The following RANBP2 variants were observed in gnomAD, a reference collection of about 807,000 sequenced individuals.
RANBP2 encodes the protein E3 SUMO-protein ligase RanBP2.
In RANBP2, 57 loss-of-function variants were observed where a neutral mutation model predicts 303.6. The observed-to-expected ratio is 0.19, with a 90% CI of 0.15 to 0.23. The LOEUF is 0.23. RANBP2 is among the 10% of genes least tolerant of loss of function. The pLI is 1.00. For missense variants in RANBP2, 3,138 were observed against 3,780.8 expected (o/e 0.83, Z 4.46); for synonymous variants, 1,167 against 1,301.5 (o/e 0.90, Z 2.23).
At chr2:109,025,510 A>G in the RANBP2 span, among the ~76,000 whole-genome samples, 1 of 152,242 alleles carries the variant, frequency 6.6e-6, no homozygotes, top group Admixed American at 6.5e-5. Flanking sequence ...AGTCCATTAT[A>G]AAAAACAAGG....
chr2:108,729,037 T>A (rs1410688286), intron 1 of RANBP2, 95 bp from the exon 2 acceptor site: 70 of 1,398,624 alleles, frequency 5.0e-5, no homozygotes, highest in Non-Finnish European at 6.7e-5. Flanking sequence ...AGTGGCGTAT[T>A]TGAACATCAA....
At chr2:109,722,365 C>T in the RANBP2 span, among the ~76,000 whole-genome samples, 2 of 152,172 alleles carry the variant, frequency 1.3e-5, no homozygotes, top group Non-Finnish European at 2.9e-5. Flanking sequence ...TGAACATGCT[C>T]ATAGCTGGAA....
the RANBP2 span, among the ~76,000 whole-genome samples, chr2:109,233,507 G>T: frequency 6.6e-6 from 1 of 152,332 alleles, no homozygotes; most frequent in African/African-American, 2.4e-5. Context: ...CAGGATGGGG[G>T]TGTGGTGGGC....
the RANBP2 span, among the ~76,000 whole-genome samples, chr2:109,290,369 C>A: frequency 3.9e-5 from 6 of 152,332 alleles, no homozygotes; most frequent in Admixed American, 6.5e-5. Flanking sequence ...TTAGTGTGAT[C>A]AGGGATGAAT....
At chr2:109,106,069 G>A in the RANBP2 span, among the ~76,000 whole-genome samples, 1 of 151,132 alleles carries the variant, frequency 6.6e-6, no homozygotes, top group African/African-American at 2.4e-5. Flanking sequence ...CACCGTGTTA[G>A]CTAAGATGGT....
chr2:108,894,937 C>G, the RANBP2 span: 1 of 152,150 alleles, frequency 6.6e-6, no homozygotes, highest in African/African-American at 2.4e-5. Context: ...TGAAAACATT[C>G]TGAGGAGGGT....
At chr2:109,422,313 C>T in the RANBP2 span, among the ~76,000 whole-genome samples, 2 of 152,170 alleles carry the variant, frequency 1.3e-5, no homozygotes, top group East Asian at 1.9e-4. Flanking sequence ...CTTCAGGAGA[C>T]CTCATTCCTG....
chr2:109,607,313 T>C, the RANBP2 span, among the ~76,000 whole-genome samples: 1 of 152,196 alleles, frequency 6.6e-6, no homozygotes, highest in African/African-American at 2.4e-5. Context: ...ACTTATAATG[T>C]ACAGAGTATT....
At chr2:109,396,419 A>C in the RANBP2 span, among the ~76,000 whole-genome samples, 23 of 152,244 alleles carry the variant, frequency 1.5e-4, no homozygotes, top group Middle Eastern at 3.2e-3. Flanking sequence ...AAATGCTGAC[A>C]GCCATGTGCC....
chr2:108,839,090 GT>G, the RANBP2 span: 1 of 1,308,036 alleles, frequency 7.6e-7, no homozygotes, highest in Non-Finnish European at 1.0e-6. Flanking sequence ...GTTTTGTTTT[GT>G]TTTTAAAGAT....
chr2:109,598,420 G>GT, the RANBP2 span, among the ~76,000 whole-genome samples: 17 of 152,058 alleles, frequency 1.1e-4, no homozygotes, highest in Admixed American at 1.1e-3. Flanking sequence ...TTATTATAAA[G>GT]TTAGTCCAAA....
chr2:109,569,956 AC>A, the RANBP2 span, among the ~76,000 whole-genome samples: 1 of 151,944 alleles, frequency 6.6e-6, no homozygotes, highest in Non-Finnish European at 1.5e-5. Context: ...GTCAGCAAGG[AC>A]ACCACCTCTC....
the RANBP2 span, among the ~76,000 whole-genome samples, chr2:109,548,897 A>T: frequency 6.6e-6 from 1 of 152,070 alleles, no homozygotes; most frequent in Non-Finnish European, 1.5e-5. Flanking sequence ...GTTATGTTCC[A>T]AATATGGAAT....
chr2:109,716,696 A>C, the RANBP2 span, among the ~76,000 whole-genome samples: 1 of 152,136 alleles, frequency 6.6e-6, no homozygotes, highest in Non-Finnish European at 1.5e-5. Flanking sequence ...ACAGGCACGC[A>C]CCACCATGCC....
chr2:109,516,393 C>T, the RANBP2 span, among the ~76,000 whole-genome samples: 1 of 152,210 alleles, frequency 6.6e-6, no homozygotes. Context: ...TTTGTAAATG[C>T]CTGGTGCAGG....
At chr2:108,796,454 G>T in the RANBP2 span, among the ~76,000 whole-genome samples, 1 of 152,124 alleles carries the variant, frequency 6.6e-6, no homozygotes, top group Non-Finnish European at 1.5e-5. Flanking sequence ...TAGAACTACC[G>T]TATGATCCAG....
chr2:108,752,576 T>TTCC (rs1242612413), intron 12 of RANBP2, among the ~76,000 whole-genome samples: 1 of 145,744 alleles, frequency 6.9e-6, no homozygotes, highest in African/African-American at 2.6e-5. Flanking sequence ...ATCGAGATCA[T>TTCC]TCCTGGCTAA....
At chr2:109,121,378 T>TA in the RANBP2 span, among the ~76,000 whole-genome samples, 1 of 152,082 alleles carries the variant, frequency 6.6e-6, no homozygotes, top group Non-Finnish European at 1.5e-5. Context: ...TTTCTAGGAA[T>TA]AAAAAAAATC....
At chr2:109,399,456 T>C in the RANBP2 span, among the ~76,000 whole-genome samples, 1 of 152,106 alleles carries the variant, frequency 6.6e-6, no homozygotes, top group Admixed American at 6.5e-5. Context: ...TAGTTTTTTT[T>C]TTTTGTAAAT....
Sources: gnomAD v4.1 joint callset for allele counts (sites outside exome capture counted in the v4.1 genomes callset) on GRCh38, gnomAD v4.1.1 for gene constraint, MANE v1.5 for transcripts, NCBI Gene and HGNC (gene_info 2026-07-23, HGNC 2026-07-21) for gene names.